UPF2: variants seen among roughly 807,000 people sequenced by gnomAD.
UPF2 encodes the protein regulator of nonsense transcripts 2.
UPF2 carries 17 observed loss-of-function variants against 141.4 expected under a neutral mutation model. The observed-to-expected ratio is 0.12, with a 90% confidence interval of 0.08 to 0.18. UPF2 has a LOEUF of 0.18. UPF2 is among the 10% of genes least tolerant of loss of function. The pLI is 1.00. For synonymous variants in UPF2, 540 were observed against 498.0 expected (o/e 1.08, Z -1.12); for missense variants, 1,152 against 1,515.9 (o/e 0.76, Z 3.99).
At chr10:11,937,999 T>C (rs369196676) in intron 18 of UPF2, among the ~76,000 whole-genome samples, 64 of 152,300 alleles carry the variant, frequency 4.2e-4, no homozygotes, top group African/African-American at 1.4e-3. Context: ...GGTAAGTATG[T>C]CCATACTAAC....
At chr10:11,958,126 G>A (rs1440097713) in intron 12 of UPF2, among the ~76,000 whole-genome samples, 5 of 152,192 alleles carry the variant, frequency 3.3e-5, no homozygotes, top group African/African-American at 4.8e-5. Context: ...GAGGCAGGAG[G>A]AGGATTGCTT....
chr10:12,033,577 G>C (rs907336590), intron 2 of UPF2, among the ~76,000 whole-genome samples: 5 of 152,018 alleles, frequency 3.3e-5, no homozygotes, highest in Admixed American at 6.6e-5. Context: ...ATATCCTTAA[G>C]ACAGTACCAA....
intron 18 of UPF2, among the ~76,000 whole-genome samples, chr10:11,941,930 T>C (rs1206874608): frequency 6.6e-6 from 1 of 152,234 alleles, no homozygotes; most frequent in East Asian, 1.9e-4. Context: ...CAACTAGCAT[T>C]TCTTTAAACA....
chr10:11,977,505 T>C lies in UPF2; in HGVS notation c.1953+1552A>G, dbSNP rs1833525056. ...CCATTTTCAAATGAGAGAGTACATA[T>C]AGACAGAATTTTCTTAATTTAAGTT... is the stretch of plus-strand genomic sequence containing the variant. On this transcript the variant is annotated intron_variant, in intron 9 of 21. Coordinates refer to ENST00000357604, the MANE Select transcript of UPF2 (RefSeq NM_015542.4). Among the ~76,000 whole-genome samples, 4 of 152,222 alleles carry C rather than the reference T, an allele frequency of 2.6e-5. No individual in the cohort carries two copies. In the South Asian group the frequency reaches 8.3e-4, roughly 32 times the overall value.
At chr10:11,984,540 C>G (rs1000593801) in intron 8 of UPF2, among the ~76,000 whole-genome samples, 1 of 152,000 alleles carries the variant, frequency 6.6e-6, no homozygotes, top group African/African-American at 2.4e-5. Context: ...ATCAAATATT[C>G]TTAAACTATG....
intron 3 of UPF2, chr10:12,026,646 CTTTTTTT>C: frequency 2.6e-6 from 1 of 389,466 alleles, no homozygotes; most frequent in Admixed American, 3.0e-5. Context: ...TTCCTATAAA[CTTTTTTT>C]TTTTTTTTTT....
At chr10:11,996,079 G>A (rs983701901) in intron 8 of UPF2, among the ~76,000 whole-genome samples, 13 of 152,228 alleles carry the variant, frequency 8.5e-5, no homozygotes, top group Admixed American at 2.0e-4. Flanking sequence ...CAAAGTGTAA[G>A]CTGTATGAAT....
At position 11,950,536 on chromosome 10, in the gene UPF2, C is replaced by T. The variant is rs142513209; in HGVS notation, c.3034+1530G>A. Among the ~76,000 whole-genome samples, 456 of 152,284 alleles carry T rather than the reference C, an allele frequency of 3.0e-3. 3 individuals are homozygous for T. The highest frequency in any genetic ancestry group is 0.01 in the Middle Eastern group (3 of 294). Reference sequence around the variant, plus strand: ...GGACAAAGTCCTCACAAGAAGCCTGCAGTCCTTTAATTTAGCCTTTTGATC... The same window carrying T: ...GGACAAAGTCCTCACAAGAAGCCTGTAGTCCTTTAATTTAGCCTTTTGATC... On this transcript the variant is annotated intron_variant, in intron 15 of 21. Transcript: ENST00000357604.
chr10:11,978,248 C>G (rs763918965), intron 9 of UPF2, among the ~76,000 whole-genome samples: 1 of 152,166 alleles, frequency 6.6e-6, no homozygotes, highest in African/African-American at 2.4e-5. Flanking sequence ...GGACATTTCC[C>G]GTTTTCATTT....
At chr10:11,947,348 G>A (rs1432900988) in intron 16 of UPF2, among the ~76,000 whole-genome samples, 2 of 152,230 alleles carry the variant, frequency 1.3e-5, no homozygotes, top group African/African-American at 2.4e-5. Context: ...AATTACTATC[G>A]TATATGTTGA....
intron 9 of UPF2, among the ~76,000 whole-genome samples, chr10:11,973,534 T>C (rs1220841059): frequency 6.6e-6 from 1 of 152,236 alleles, no homozygotes; most frequent in Non-Finnish European, 1.5e-5. Flanking sequence ...TATTTAAGTC[T>C]TTAATCCATC....
chr10:11,960,914 AGACCCTGTCT>A (rs1833230215), intron 11 of UPF2, among the ~76,000 whole-genome samples: 1 of 152,040 alleles, frequency 6.6e-6, no homozygotes, highest in Non-Finnish European at 1.5e-5. Context: ...CAACGTAGTG[AGACCCTGTCT>A]CTATAAAATA....
chr10:12,021,665 T>C (rs773147184), intron 3 of UPF2, among the ~76,000 whole-genome samples: 49 of 152,204 alleles, frequency 3.2e-4, no homozygotes, highest in Middle Eastern at 3.4e-3. Flanking sequence ...AAAAGGAAAA[T>C]AGTCTTGACA....
rs1228511840 is a variant in UPF2 at position 11,953,736 on chromosome 10, G to A, written c.2851-1487C>T. 6.6e-6 allele frequency among the ~76,000 whole-genome samples: 1 copy of A among 152,180 alleles called. No homozygotes were observed. Among genetic ancestry groups the A allele is most frequent in the African/African-American group, 2.4e-5 (1 of 41,446 alleles). ...ATGGTCCTTACATACAACAGGGACT[G>A]CAACCCTCAAATCTGCAAGTCCTTT... On this transcript the variant is annotated intron_variant, in intron 14 of 21. Coordinates refer to ENST00000357604, the MANE Select transcript of UPF2 (RefSeq NM_015542.4). This position sits in a 1 kb window ranked among gnomAD's most constrained non-coding sequence, Gnocchi z 5.0.
chr10:11,974,832 A>C (rs1833479865), intron 9 of UPF2, among the ~76,000 whole-genome samples: 1 of 152,208 alleles, frequency 6.6e-6, no homozygotes, highest in Non-Finnish European at 1.5e-5. Context: ...AGTAGAGTGC[A>C]TAAGACTATT....
At chr10:11,932,074 A>AG (rs1424871832) in intron 19 of UPF2, among the ~76,000 whole-genome samples, 1 of 151,996 alleles carries the variant, frequency 6.6e-6, no homozygotes, top group Non-Finnish European at 1.5e-5. Flanking sequence ...GCTTGAACCC[A>AG]GGAAGCGGAG....
intron 8 of UPF2, among the ~76,000 whole-genome samples, chr10:11,988,726 G>A (rs1034403917): frequency 1.3e-5 from 2 of 152,162 alleles, no homozygotes; most frequent in Non-Finnish European, 2.9e-5. Context: ...AAGTGTTCCA[G>A]CCTGCCCCAA....
At chr10:12,039,406 G>GT (rs985146571) in intron 1 of UPF2, among the ~76,000 whole-genome samples, 1 of 152,156 alleles carries the variant, frequency 6.6e-6, no homozygotes, top group Non-Finnish European at 1.5e-5. Flanking sequence ...CTCATGTAAT[G>GT]TTTTTAACTT....
In UPF2 at chr10:11,920,943, TC is replaced by T. The variant is rs1436505502; in HGVS notation, c.*354del. The T allele has an allele frequency of 1.7e-5, 9 of 527,144 alleles. No individual in the cohort carries two copies. The highest frequency in any genetic ancestry group is 1.3e-4 in the African/African-American group (7 of 52,678). 32.7% of individuals were successfully genotyped at this position (527,144 alleles called of 1,614,324 possible). On this transcript the variant is annotated 3_prime_UTR_variant, in exon 22 of 22. Transcript: ENST00000357604. ...GTTCATTTCCCCCACACCATTACCA[TC>T]ACAACCCGTTTCTTCTCTGGCTCAA...
Sources: allele counts gnomAD v4.1 joint callset (sites outside exome capture counted in the v4.1 genomes callset), GRCh38; gene constraint gnomAD v4.1.1; non-coding constraint Gnocchi (gnomAD v3.1); transcripts MANE v1.5; gene names NCBI Gene and HGNC (gene_info 2026-07-23, HGNC 2026-07-21).